PITPNC1: variants seen among roughly 807,000 people sequenced by gnomAD.
The protein encoded by PITPNC1 is cytoplasmic phosphatidylinositol transfer protein 1.
In PITPNC1, 18 loss-of-function variants were observed where a neutral mutation model predicts 44.7. The ratio of observed to expected loss-of-function variants is 0.40; its 90% CI spans 0.28 to 0.60. The LOEUF (loss-of-function observed/expected upper bound fraction) is 0.60. PITPNC1 is among the 20% of genes least tolerant of loss of function. The pLI, the probability that PITPNC1 is intolerant of heterozygous loss-of-function variation, is 0.39. For synonymous variants in PITPNC1, 141 were observed against 149.6 expected, an observed-to-expected ratio of 0.94 and a Z score of 0.42; for missense variants, 290 against 418.4, an observed-to-expected ratio of 0.69 and a Z score of 2.68.
At chr17:67,664,229 T>C (rs1203690699) in intron 6 of PITPNC1, among the ~76,000 whole-genome samples, 1 of 152,220 alleles carries the variant, frequency 6.6e-6, no homozygotes. Context: ...CTTCCCAAAG[T>C]GCTGGGATTA....
intron 1 of PITPNC1, among the ~76,000 whole-genome samples, chr17:67,520,444 A>G (rs1293070315): frequency 6.6e-6 from 1 of 152,208 alleles, no homozygotes; most frequent in Non-Finnish European, 1.5e-5. Flanking sequence ...AAACCTCTCC[A>G]TTAACTTGAG....
At chr17:67,671,480 A>G (rs2042510797) in intron 7 of PITPNC1, among the ~76,000 whole-genome samples, 1 of 152,122 alleles carries the variant, frequency 6.6e-6, no homozygotes, top group South Asian at 2.1e-4. Flanking sequence ...TGTTACTTAG[A>G]TGGATTTGTC....
chr17:67,614,198 C>T (rs2041728149), intron 5 of PITPNC1, among the ~76,000 whole-genome samples: 1 of 152,002 alleles, frequency 6.6e-6, no homozygotes, highest in Admixed American at 6.6e-5. Flanking sequence ...CAGCCCAGAT[C>T]AAAATGAAGT....
At chr17:67,577,794 A>G (rs973686230) in intron 4 of PITPNC1, among the ~76,000 whole-genome samples, 1 of 152,228 alleles carries the variant, frequency 6.6e-6, no homozygotes, top group African/African-American at 2.4e-5. Flanking sequence ...TTATATAAAG[A>G]TTAAGGCTGG....
chr17:67,472,907 G>C (rs1186981398), intron 1 of PITPNC1, among the ~76,000 whole-genome samples: 1 of 150,056 alleles, frequency 6.7e-6, no homozygotes, highest in Admixed American at 6.6e-5. Context: ...ACGGAGTCTT[G>C]CTCTGTAGCC....
chr17:67,448,304 T>A (rs1281591971), intron 1 of PITPNC1, among the ~76,000 whole-genome samples: 1 of 151,928 alleles, frequency 6.6e-6, no homozygotes, highest in Non-Finnish European at 1.5e-5. Context: ...ATTTAGGTGT[T>A]TTCATTTGCT....
chr17:67,477,751 T>C (rs1598722940), intron 1 of PITPNC1, among the ~76,000 whole-genome samples: 1 of 152,100 alleles, frequency 6.6e-6, no homozygotes, highest in East Asian at 1.9e-4. Flanking sequence ...CTAGTGTGAG[T>C]GGCCTCCATC....
At chr17:67,456,607 A>T (rs953603930) in intron 1 of PITPNC1, among the ~76,000 whole-genome samples, 2 of 152,104 alleles carry the variant, frequency 1.3e-5, no homozygotes, top group Admixed American at 1.3e-4. Flanking sequence ...AGCAGTCAGA[A>T]ATTACCCTAT....
intron 2 of PITPNC1, among the ~76,000 whole-genome samples, chr17:67,542,502 G>A (rs564305018): frequency 3.5e-4 from 53 of 152,234 alleles, no homozygotes; most frequent in African/African-American, 1.2e-3. Flanking sequence ...AATGTACGAC[G>A]TACAACACAT....
chr17:67,639,068 A>T (rs1179435764), intron 6 of PITPNC1: 1 of 152,306 alleles, frequency 6.6e-6, no homozygotes, highest in African/African-American at 2.4e-5. Context: ...GGCTGCAGTG[A>T]GCCATGATCA....
chr17:67,686,332 C>T (rs1267190144), intron 8 of PITPNC1, among the ~76,000 whole-genome samples: 5 of 150,414 alleles, frequency 3.3e-5, no homozygotes, highest in Non-Finnish European at 7.4e-5. Flanking sequence ...AATTGTCCCC[C>T]GTTGAGAACC....
chr17:67,499,269 C>T (rs1198187410), intron 1 of PITPNC1, among the ~76,000 whole-genome samples: 1 of 152,148 alleles, frequency 6.6e-6, no homozygotes, highest in East Asian at 1.9e-4. Context: ...TGTTGGAGTG[C>T]AATGGTGTGA....
At chr17:67,689,292 G>C (rs1246978123) in intron 8 of PITPNC1, among the ~76,000 whole-genome samples, 1 of 152,038 alleles carries the variant, frequency 6.6e-6, no homozygotes, top group Non-Finnish European at 1.5e-5. Context: ...TGATAACGTA[G>C]AGTGGTTCTT....
intron 5 of PITPNC1, among the ~76,000 whole-genome samples, chr17:67,621,719 A>C (rs1451248963): frequency 6.6e-6 from 1 of 152,170 alleles, no homozygotes; most frequent in Non-Finnish European, 1.5e-5. Flanking sequence ...CGGCCTCTTC[A>C]TCTCTAGAGT....
intron 8 of PITPNC1, among the ~76,000 whole-genome samples, chr17:67,681,290 C>T (rs1286756534): frequency 1.3e-5 from 2 of 152,046 alleles, no homozygotes; most frequent in Non-Finnish European, 2.9e-5. Flanking sequence ...AACAGGATTA[C>T]CATCTATAAT....
chr17:67,480,860 G>T (rs2039691785), intron 1 of PITPNC1, among the ~76,000 whole-genome samples: 1 of 152,098 alleles, frequency 6.6e-6, no homozygotes, highest in Non-Finnish European at 1.5e-5. Context: ...AGCACACATG[G>T]GTAGAAGGCT....
At chr17:67,608,607 C>T (rs553569166) in intron 5 of PITPNC1, among the ~76,000 whole-genome samples, 2 of 151,660 alleles carry the variant, frequency 1.3e-5, no homozygotes, top group African/African-American at 4.8e-5. Context: ...CCTCCCACCT[C>T]AGCCTCCCGA....
At chr17:67,410,822 C>T (rs2038484006) in intron 1 of PITPNC1, among the ~76,000 whole-genome samples, 3 of 152,046 alleles carry the variant, frequency 2.0e-5, no homozygotes, top group South Asian at 4.2e-4. Context: ...GGGTGGCTCA[C>T]ACCTGTAATC....
At chr17:67,432,095 G>A (rs2038864601) in intron 1 of PITPNC1, among the ~76,000 whole-genome samples, 1 of 152,182 alleles carries the variant, frequency 6.6e-6, no homozygotes, top group South Asian at 2.1e-4. Flanking sequence ...TCTAATAATA[G>A]CTAACATATT....
Sources: allele counts gnomAD v4.1 joint callset (sites outside exome capture counted in the v4.1 genomes callset), GRCh38; gene constraint gnomAD v4.1.1; transcripts MANE v1.5; gene names NCBI Gene and HGNC (gene_info 2026-07-23, HGNC 2026-07-21).